The following CSMD1 variants were observed in gnomAD, a reference collection of about 807,000 sequenced individuals.
CSMD1 encodes the protein CUB and sushi domain-containing protein 1.
Under a neutral mutation model 417.5 loss-of-function variants are expected in CSMD1, and 213 were observed. The ratio of observed to expected loss-of-function variants is 0.51; its 90% confidence interval spans 0.46 to 0.57. The LOEUF is 0.57. Among genes scored for constraint, CSMD1 ranks in the 20% least tolerant of loss-of-function variants. The pLI is 0.00. For synonymous variants in CSMD1, 2,862 were observed against 1,736.8 expected (o/e 1.65, Z -16.11); for missense variants, 6,923 against 4,529.7 (o/e 1.53, Z -15.17).
chr8:4,731,856 G>A (rs759784212), intron 1 of CSMD1, among the ~76,000 whole-genome samples: 1 of 152,030 alleles, frequency 6.6e-6, no homozygotes, highest in Non-Finnish European at 1.5e-5. Flanking sequence ...TCTCACATGG[G>A]CTTTAGTACT....
intron 10 of CSMD1, among the ~76,000 whole-genome samples, chr8:3,539,158 G>A (rs1404725043): frequency 6.6e-6 from 1 of 152,130 alleles, no homozygotes; most frequent in Non-Finnish European, 1.5e-5. Flanking sequence ...ATACCAAGAT[G>A]TTCTGGCCGC....
At chr8:4,462,185 A>G (rs370369395) in intron 2 of CSMD1, among the ~76,000 whole-genome samples, 1 of 152,142 alleles carries the variant, frequency 6.6e-6, no homozygotes, top group African/African-American at 2.4e-5. Flanking sequence ...ACAAAAAGCA[A>G]TTGTATTTAT....
intron 6 of CSMD1, among the ~76,000 whole-genome samples, chr8:3,733,813 T>G (rs967638031): frequency 1.3e-5 from 2 of 152,142 alleles, no homozygotes; most frequent in Non-Finnish European, 2.9e-5. Flanking sequence ...TTAGAACTGT[T>G]TTTACTTTAT....
intron 5 of CSMD1, among the ~76,000 whole-genome samples, chr8:3,968,004 T>TAA (rs11330461): frequency 1.2e-3 from 115 of 98,876 alleles, no homozygotes; most frequent in African/African-American, 3.7e-3. Context: ...CGTCACTGCT[T>TAA]AAAAAAAAAA....
intron 11 of CSMD1, among the ~76,000 whole-genome samples, chr8:3,474,832 T>C (rs1245052872): frequency 5.9e-5 from 9 of 152,214 alleles, no homozygotes; most frequent in Non-Finnish European, 2.9e-5. Context: ...GACTCTATAG[T>C]ACATATTGTT....
chr8:3,100,734 G>C (rs1267995094), intron 46 of CSMD1, among the ~76,000 whole-genome samples: 1 of 152,158 alleles, frequency 6.6e-6, no homozygotes, highest in Non-Finnish European at 1.5e-5. Flanking sequence ...CTTATTCAAC[G>C]CATCTCATAG....
chr8:4,923,352 G>C (rs950013035), intron 1 of CSMD1, among the ~76,000 whole-genome samples: 1 of 152,082 alleles, frequency 6.6e-6, no homozygotes, highest in Non-Finnish European at 1.5e-5. Flanking sequence ...ACTTCTTAAA[G>C]GGTTGGCATA....
At chr8:3,015,717 A>C (rs945234384) in intron 52 of CSMD1, among the ~76,000 whole-genome samples, 1 of 152,108 alleles carries the variant, frequency 6.6e-6, no homozygotes, top group Non-Finnish European at 1.5e-5. Flanking sequence ...TTACTCAAGG[A>C]CATTTAACTT....
At chr8:3,789,029 C>G (rs1179994746) in intron 5 of CSMD1, among the ~76,000 whole-genome samples, 1 of 152,142 alleles carries the variant, frequency 6.6e-6, no homozygotes, top group South Asian at 2.1e-4. Context: ...TAGGAGGATG[C>G]TATGTTCTGA....
At chr8:3,953,875 G>A (rs1040060467) in intron 5 of CSMD1, among the ~76,000 whole-genome samples, 1 of 152,182 alleles carries the variant, frequency 6.6e-6, no homozygotes. Flanking sequence ...CCTGTGTGAG[G>A]TGCTGTGCAG....
chr8:3,554,040 G>T (rs904147724), intron 10 of CSMD1, among the ~76,000 whole-genome samples: 1 of 152,154 alleles, frequency 6.6e-6, no homozygotes, highest in African/African-American at 2.4e-5. Context: ...AAACATTATA[G>T]TTTTGAAAGA....
chr8:3,294,548 C>T (rs1347046089), intron 25 of CSMD1, among the ~76,000 whole-genome samples: 1 of 124,836 alleles, frequency 8.0e-6, no homozygotes, highest in Non-Finnish European at 1.9e-5. Flanking sequence ...AGCCTCGCTG[C>T]AGCCTTGCAG....
At chr8:4,382,137 T>C (rs1450828525) in intron 3 of CSMD1, among the ~76,000 whole-genome samples, 1 of 152,214 alleles carries the variant, frequency 6.6e-6, no homozygotes, top group East Asian at 1.9e-4. Flanking sequence ...AAGGACATCT[T>C]TGACAAAGCA....
At position 3,098,856 on chromosome 8, in the gene CSMD1, C is replaced by T. The variant is rs139894198; in HGVS notation, c.6950-1819G>A. 2.6e-5 allele frequency among the ~76,000 whole-genome samples: 4 copies of T among 152,176 alleles called. No homozygotes were observed. In the East Asian group the frequency reaches 7.7e-4, roughly 29 times the overall value. The stretch of plus-strand genomic sequence containing the variant: ...TAAGTACAGAGTAATAATAGCTCCC[C>T]CTCAGGGTTTTAATTAGAGCCAATA... On this transcript the variant is annotated intron_variant, in intron 46 of 69. Transcript: ENST00000635120.
At chr8:3,401,810 A>G (rs750647867) in intron 15 of CSMD1, among the ~76,000 whole-genome samples, 1 of 152,196 alleles carries the variant, frequency 6.6e-6, no homozygotes, top group Non-Finnish European at 1.5e-5. Flanking sequence ...TTTAATCTAC[A>G]AGATTCAAGA....
chr8:4,373,291 G>A (rs1304512162), intron 3 of CSMD1, among the ~76,000 whole-genome samples: 2 of 152,150 alleles, frequency 1.3e-5, no homozygotes, highest in Non-Finnish European at 2.9e-5. Flanking sequence ...TCCAGGGACA[G>A]AAAGGGAACA....
At chr8:4,208,276 C>T (rs902728733) in intron 3 of CSMD1, among the ~76,000 whole-genome samples, 1 of 151,686 alleles carries the variant, frequency 6.6e-6, no homozygotes, top group Non-Finnish European at 1.5e-5. Flanking sequence ...ACACAGAGGA[C>T]AAGAAACAAG....
At chr8:3,470,741 T>C (rs1395752652) in intron 11 of CSMD1, among the ~76,000 whole-genome samples, 1 of 152,146 alleles carries the variant, frequency 6.6e-6, no homozygotes, top group African/African-American at 2.4e-5. Flanking sequence ...CTCTAAATTA[T>C]TTATTTAAAA....
At chr8:4,541,244 A>G (rs1360237911) in intron 2 of CSMD1, among the ~76,000 whole-genome samples, 1 of 152,204 alleles carries the variant, frequency 6.6e-6, no homozygotes, top group East Asian at 1.9e-4. Flanking sequence ...TGTGTGACTT[A>G]GAGTGAGCCA....
Sources: gnomAD v4.1 joint callset for allele counts (sites outside exome capture counted in the v4.1 genomes callset) on GRCh38, gnomAD v4.1.1 for gene constraint, MANE v1.5 for transcripts, NCBI Gene and HGNC (gene_info 2026-07-23, HGNC 2026-07-21) for gene names.